The following PCDHA4 variants were observed in gnomAD, a reference collection of about 807,000 sequenced individuals.
PCDHA4 encodes the protein protocadherin alpha 4.
PCDHA4 carries 49 observed loss-of-function variants against 61.4 expected under a neutral mutation model. The observed-to-expected ratio is 0.80, with a 90% CI of 0.63 to 1.01. PCDHA4 has a LOEUF of 1.01. Among genes scored for constraint, PCDHA4 ranks in the 50% least tolerant of loss-of-function variants. The pLI is 0.00. For missense variants in PCDHA4, 1,254 were observed against 1,235.8 expected, an observed-to-expected ratio of 1.01 and a Z score of -0.22; for synonymous variants, 590 against 550.3, an observed-to-expected ratio of 1.07 and a Z score of -1.01.
chr5:140,845,528 T>G (rs1779913458), intron 1 of PCDHA4, among the ~76,000 whole-genome samples: 1 of 149,556 alleles, frequency 6.7e-6, no homozygotes, highest in African/African-American at 2.4e-5. Context: ...TTAATACTTT[T>G]CACTATTCTA....
At chr5:140,989,851 G>C (rs1247481417) in intron 3 of PCDHA4, among the ~76,000 whole-genome samples, 1 of 152,106 alleles carries the variant, frequency 6.6e-6, no homozygotes, top group Non-Finnish European at 1.5e-5. Context: ...TGTGTGGACT[G>C]GAGAGGAATC....
At chr5:140,894,140 C>T (rs1004427236) in intron 1 of PCDHA4, among the ~76,000 whole-genome samples, 2 of 151,956 alleles carry the variant, frequency 1.3e-5, no homozygotes, top group Admixed American at 6.6e-5. Context: ...GAAATAATTC[C>T]CTTCTATGTA....
In PCDHA4 at chr5:141,010,797, AC is replaced by A. The variant is rs1329759215; in HGVS notation, c.*864del. Reference sequence around the variant, plus strand: ...AATACTTATGCAAAAGCAAAAGAAAACCCCGACACCTCACCTTTCGCTGTTT... The same window carrying A: ...AATACTTATGCAAAAGCAAAAGAAAACCCGACACCTCACCTTTCGCTGTTT... On this transcript the variant is annotated 3_prime_UTR_variant, in exon 4 of 4. Transcript: ENST00000530339. The A allele has an allele frequency of 6.5e-6, 1 of 153,778 alleles. No homozygotes were observed. The highest frequency in any genetic ancestry group is 2.4e-5 in the African/African-American group (1 of 41,460). 9.5% of individuals were successfully genotyped at this position (153,778 alleles called of 1,614,324 possible).
At position 140,966,247 on chromosome 5, in the gene PCDHA4, A is replaced by G. The variant is rs145363912; in HGVS notation, c.2386-12702A>G. 739 of 318,152 alleles carry G rather than the reference A, an allele frequency of 2.3e-3. 16 individuals are homozygous for G. In the Admixed American group the frequency reaches 0.033, roughly 14 times the overall value. 19.7% of individuals were successfully genotyped at this position (318,152 alleles called of 1,614,324 possible). On this transcript the variant is annotated intron_variant, in intron 1 of 3. Coordinates refer to ENST00000530339, the MANE Select transcript of PCDHA4 (RefSeq NM_018907.4). ...TCCTTAAAGACCCGTTAAGCAGGGGAGAGACGGTGGAGACTGGATGAACTG... is the reference window on the plus strand; with the variant it reads ...TCCTTAAAGACCCGTTAAGCAGGGGGGAGACGGTGGAGACTGGATGAACTG...
chr5:140,822,172 TC>T, intron 1 of PCDHA4: 1 of 1,614,252 alleles, frequency 6.2e-7, no homozygotes, highest in Non-Finnish European at 8.5e-7. Context: ...GCCCAGGTTC[TC>T]CAGACAAGAA....
At chr5:140,823,147 C>T in intron 1 of PCDHA4, 1 of 1,614,004 alleles carries the variant, frequency 6.2e-7, no homozygotes, top group Non-Finnish European at 8.5e-7. Flanking sequence ...CGCGCAGCCC[C>T]AGTATACCGT....
chr5:140,889,583 G>C (rs1373487919), intron 1 of PCDHA4, among the ~76,000 whole-genome samples: 1 of 151,554 alleles, frequency 6.6e-6, no homozygotes, highest in African/African-American at 2.4e-5. Context: ...TTTTGTTTTT[G>C]CTTTGAAATA....
intron 1 of PCDHA4, among the ~76,000 whole-genome samples, chr5:140,957,864 A>G (rs1554223166): frequency 6.6e-6 from 1 of 151,762 alleles, no homozygotes; most frequent in Admixed American, 6.6e-5. Flanking sequence ...TTTTTTTCCT[A>G]TTTTGTGCTG....
intron 1 of PCDHA4, chr5:140,882,155 T>C (rs1317545188): frequency 1.3e-6 from 2 of 1,504,050 alleles, no homozygotes; most frequent in Admixed American, 2.3e-5. Flanking sequence ...GAAAGCGGAA[T>C]ACCTCTTGCG....
intron 1 of PCDHA4, chr5:140,841,933 C>G (rs2150325780): frequency 1.2e-6 from 2 of 1,613,858 alleles, no homozygotes; most frequent in Non-Finnish European, 1.7e-6. Flanking sequence ...ACAGAGAGGA[C>G]GCTCCTGCGC....
chr5:140,822,854 A>G (rs2150119822), intron 1 of PCDHA4: 1 of 1,614,206 alleles, frequency 6.2e-7, no homozygotes, highest in Non-Finnish European at 8.5e-7. Context: ...CCTGTCAAAG[A>G]GGACGCTCCA....
chr5:140,871,760 G>C lies in PCDHA4; in HGVS notation c.2385+62188G>C, dbSNP rs191249350. Among the ~76,000 whole-genome samples the C allele has an allele frequency of 5.4e-3, 815 of 152,314 alleles. 3 individuals are homozygous for C. Among genetic ancestry groups the C allele is most frequent in the Middle Eastern group, 0.014 (4 of 294 alleles). The stretch of plus-strand genomic sequence containing the variant: ...AAATCCTAAAAGAAATGAGATGCAA[G>C]AGTGACTCTTCTGTAGTCACTTGAG... On this transcript the variant is annotated intron_variant, in intron 1 of 3. Coordinates refer to ENST00000530339, the MANE Select transcript of PCDHA4 (RefSeq NM_018907.4).
At chr5:140,967,976 C>G in intron 1 of PCDHA4, 14 of 1,614,222 alleles carry the variant, frequency 8.7e-6, no homozygotes, top group Non-Finnish European at 1.2e-5. Context: ...GAGCCTGGGT[C>G]TGGAGGCCAC....
intron 1 of PCDHA4, among the ~76,000 whole-genome samples, chr5:140,832,062 A>G (rs1554133455): frequency 6.6e-6 from 1 of 152,224 alleles, no homozygotes. Context: ...TACCAATTTA[A>G]TCTGAGATGT....
intron 1 of PCDHA4, chr5:140,835,821 G>T (rs375168399): frequency 3.1e-6 from 5 of 1,612,714 alleles, no homozygotes; most frequent in East Asian, 2.2e-5. Flanking sequence ...TGTGTCGGCG[G>T]GGGACGCGGA....
At chr5:140,830,316 C>G (rs2150184866) in intron 1 of PCDHA4, 1 of 1,613,980 alleles carries the variant, frequency 6.2e-7, no homozygotes, top group East Asian at 2.2e-5. Context: ...CTGGTGTGCT[C>G]CAGCGCAGTG....
chr5:140,877,797 C>T, intron 1 of PCDHA4: 1 of 1,613,630 alleles, frequency 6.2e-7, no homozygotes. Flanking sequence ...TCAGCCCAAG[C>T]CTTCAGCTGT....
At chr5:140,876,292 A>G in intron 1 of PCDHA4, 1 of 1,614,080 alleles carries the variant, frequency 6.2e-7, no homozygotes, top group Non-Finnish European at 8.5e-7. Context: ...CGAAGGACTT[A>G]ATGGAGAAAT....
At chr5:140,831,149 C>G (rs561074158) in intron 1 of PCDHA4, 1 of 152,098 alleles carries the variant, frequency 6.6e-6, no homozygotes, top group Non-Finnish European at 1.5e-5. Flanking sequence ...TATTTACTAC[C>G]GATCTAAATA....
Sources: allele counts gnomAD v4.1 joint callset (sites outside exome capture counted in the v4.1 genomes callset), GRCh38; gene constraint gnomAD v4.1.1; transcripts MANE v1.5; gene names NCBI Gene and HGNC (gene_info 2026-07-23, HGNC 2026-07-21).